The following C2orf92 variants were observed in gnomAD, a reference collection of about 807,000 sequenced individuals.
The protein encoded by C2orf92 is chromosome 2 open reading frame 92.
At chr2:97,676,220 C>T (rs769587674) in intron 3 of C2orf92, among the ~76,000 whole-genome samples, 11 of 151,830 alleles carry the variant, frequency 7.2e-5, no homozygotes, top group Admixed American at 6.6e-4. Flanking sequence ...AAGAGACACC[C>T]CAGGCCCTCG....
At chr2:97,702,538 T>A (rs2104614338) in intron 7 of C2orf92, 131 bp from the exon 8 acceptor site, 1 of 395,288 alleles carries the variant, frequency 2.5e-6, no homozygotes, top group East Asian at 3.6e-5. Flanking sequence ...ATTTCACAGA[T>A]GACAAACCTT....
At chr2:97,666,507 G>A (rs1328047656), upstream of C2orf92, among the ~76,000 whole-genome samples, 1 of 141,182 alleles carries the variant, frequency 7.1e-6, no homozygotes, top group East Asian at 2.0e-4. Context: ...ACCAGCCTGG[G>A]CGACAGAGTG....
At chr2:97,671,613 TCTTC>T (rs560418989) in intron 1 of C2orf92, 1 of 397,658 alleles carries the variant, frequency 2.5e-6, no homozygotes, top group Non-Finnish European at 4.4e-6. Context: ...AGGCAGGTGC[TCTTC>T]CTTGAGGCTA....
At chr2:97,690,905 A>C (rs1305709853) in intron 5 of C2orf92, 1 of 151,920 alleles carries the variant, frequency 6.6e-6, no homozygotes, top group Non-Finnish European at 1.5e-5. Context: ...CAGCCTCCCA[A>C]GTAGCTGGGA....
intron 3 of C2orf92, among the ~76,000 whole-genome samples, chr2:97,685,952 A>G (rs895454848): frequency 6.6e-6 from 1 of 152,234 alleles, no homozygotes; most frequent in South Asian, 2.1e-4. Context: ...TGGGAAGGTA[A>G]GATGGTGCAG....
At chr2:97,673,462 A>T (rs1675479811) in intron 1 of C2orf92, among the ~76,000 whole-genome samples, 2 of 152,156 alleles carry the variant, frequency 1.3e-5, no homozygotes, top group South Asian at 4.1e-4. Flanking sequence ...CTGGCCTACC[A>T]GGGCTGGAGT....
chr2:97,701,896 C>G (rs922384871), intron 7 of C2orf92, among the ~76,000 whole-genome samples: 8 of 152,106 alleles, frequency 5.3e-5, no homozygotes, highest in African/African-American at 1.9e-4. Flanking sequence ...CCTGTCTACA[C>G]CCCCGTCTAC....
intron 5 of C2orf92, among the ~76,000 whole-genome samples, chr2:97,693,187 CTAT>C (rs1676196803): frequency 6.6e-6 from 1 of 152,140 alleles, no homozygotes; most frequent in Non-Finnish European, 1.5e-5. Flanking sequence ...GAATAATATT[CTAT>C]TGTATATATA....
upstream of C2orf92, among the ~76,000 whole-genome samples, chr2:97,665,181 G>A (rs149636665): frequency 3.9e-4 from 60 of 152,294 alleles, 2 homozygotes; most frequent in Admixed American, 2.0e-3. Flanking sequence ...GGATAGTTGA[G>A]TTCTACATTT....
intron 3 of C2orf92, among the ~76,000 whole-genome samples, chr2:97,683,115 A>ACACACACACAC (rs1185190319): frequency 8.5e-4 from 60 of 70,914 alleles, no homozygotes; most frequent in Non-Finnish European, 1.6e-3. Flanking sequence ...CACACACACA[A>ACACACACACAC]ACATATTAAA....
intron 2 of C2orf92, among the ~76,000 whole-genome samples, chr2:97,674,805 G>A (rs1264413607): frequency 6.6e-6 from 1 of 152,172 alleles, no homozygotes; most frequent in Non-Finnish European, 1.5e-5. Context: ...GCAGTGTCAG[G>A]CATGTTCTGC....
At chr2:97,665,470 T>C (rs1559292856), upstream of C2orf92, among the ~76,000 whole-genome samples, 1 of 152,160 alleles carries the variant, frequency 6.6e-6, no homozygotes, top group East Asian at 1.9e-4. Flanking sequence ...GAGAAGCGAT[T>C]GTTTATTGAA....
chr2:97,673,749 A>G (rs1383967526), intron 1 of C2orf92, among the ~76,000 whole-genome samples: 1 of 152,010 alleles, frequency 6.6e-6, no homozygotes, highest in African/African-American at 2.4e-5. Flanking sequence ...GAGGCACACC[A>G]CACACCAGGT....
At position 97,702,752 on chromosome 2, in the gene C2orf92, C is replaced by CAAA; in HGVS notation, c.751_753dup (p.Lys251dup). On this transcript the variant is annotated inframe_insertion, in exon 8 of 8. Coordinates refer to ENST00000627399, the MANE Select transcript of C2orf92 (RefSeq NM_001351368.2). ...CACAATTCTGAAGAAAAAAATTTCA[C>CAAA]AAAACTTGCAAAAAAACAGAAACAG... 2.5e-6 allele frequency: 1 copy of CAAA among 398,930 alleles called. No individual in the cohort carries two copies. The highest frequency in any genetic ancestry group is 4.4e-6 in the Non-Finnish European group (1 of 226,052). 24.7% of individuals were successfully genotyped at this position (398,930 alleles called of 1,614,324 possible).
At chr2:97,690,383 CCT>C (rs1475461555) in intron 5 of C2orf92, 56 bp downstream of exon 5, 1 of 395,740 alleles carries the variant, frequency 2.5e-6, no homozygotes, top group East Asian at 3.6e-5. Context: ...TGTTCTTTTT[CCT>C]CTTTTTTTTT....
rs58856044 is a variant in C2orf92, at chr2:97,681,106, CAAAAAAAAAAAAAAAA to C, written c.232+5190_232+5205del. On this transcript the variant is annotated intron_variant, in intron 3 of 7. Coordinates refer to ENST00000627399, the MANE Select transcript of C2orf92 (RefSeq NM_001351368.2). The stretch of plus-strand genomic sequence containing the variant: ...CAGGAGACAGAGCGAGACTCCATCT[CAAAAAAAAAAAAAAAA>C]AAAAAAAAAAAGAATTGTACAGAGG... Among the ~76,000 whole-genome samples, 15 of 11,966 alleles carry C rather than the reference CAAAAAAAAAAAAAAAA, an allele frequency of 1.3e-3. No individual in the cohort carries two copies. In the East Asian group the frequency reaches 0.042, roughly 34 times the overall value. The allele number at this position is 11,966 out of a possible 152,430, so 7.9% of individuals were successfully genotyped here. A position where few individuals can be genotyped will look rare whatever the true frequency, so the allele number is the denominator to read the frequency against.
upstream of C2orf92, chr2:97,665,721 C>G (rs1195139183): frequency 1.6e-5 from 1 of 63,102 alleles, no homozygotes; most frequent in Non-Finnish European, 3.1e-5. Flanking sequence ...CTCTCTCTCT[C>G]TCTCTCTCTC....
rs55696146 is a variant in C2orf92, at chr2:97,679,837, C to CAA, written c.232+3924_232+3925dup. On this transcript the variant is annotated intron_variant, in intron 3 of 7. Transcript: ENST00000627399. ...GGGCAACAAGAGTGAAACTCTATCT[C>CAA]AAAAAAAAAAAAAAAAGAAAAAAAA... Among the ~76,000 whole-genome samples the CAA allele has an allele frequency of 2.4e-3, 224 of 94,578 alleles. 2 individuals are homozygous for CAA. Among genetic ancestry groups the CAA allele is most frequent in the Admixed American group, 3.8e-3 (32 of 8,326 alleles). The allele number at this position is 94,578 out of a possible 152,430, so 62.0% of individuals were successfully genotyped here.
chr2:97,663,969 G>A (rs535781513), upstream of C2orf92: 14 of 886,148 alleles, frequency 1.6e-5, no homozygotes, highest in South Asian at 4.5e-4. Context: ...GGACCGGGAC[G>A]GCGGCGGCTC....
Sources: allele counts gnomAD v4.1 joint callset (sites outside exome capture counted in the v4.1 genomes callset), GRCh38; gene constraint gnomAD v4.1.1; transcripts MANE v1.5; gene names NCBI Gene and HGNC (gene_info 2026-07-23, HGNC 2026-07-21).